Variants in CSMD2 observed in about 807,000 individuals in gnomAD.
CSMD2 encodes CUB and Sushi multiple domains 2.
Under a neutral mutation model 398.5 loss-of-function variants are expected in CSMD2, and 130 were observed. The observed-to-expected ratio is 0.33, with a 90% CI of 0.28 to 0.38. The LOEUF (loss-of-function observed/expected upper bound fraction) is 0.38, where lower values mean the gene tolerates loss of function less well. Ranked by LOEUF, CSMD2 falls within the 10% of genes least tolerant of loss-of-function variation. CSMD2 has a pLI of 1.00. For synonymous variants in CSMD2, 1,828 were observed against 1,908.5 expected (o/e 0.96, Z 1.10); for missense variants, 3,829 against 4,764.9 (o/e 0.80, Z 5.78).
intron 3 of CSMD2, among the ~76,000 whole-genome samples, chr1:33,999,310 C>T (rs1184946595): frequency 6.6e-6 from 1 of 152,160 alleles, no homozygotes; most frequent in Non-Finnish European, 1.5e-5. Flanking sequence ...CTGTGGCAGG[C>T]TGGACAGCTT....
chr1:34,098,127 A>G (rs1479526466), intron 1 of CSMD2, among the ~76,000 whole-genome samples: 3 of 116,784 alleles, frequency 2.6e-5, no homozygotes, highest in South Asian at 6.8e-4. Context: ...CATGGATGAA[A>G]TTGGAAATCA....
intron 24 of CSMD2, among the ~76,000 whole-genome samples, chr1:33,695,923 G>C (rs1233224539): frequency 6.6e-6 from 1 of 152,154 alleles, no homozygotes; most frequent in African/African-American, 2.4e-5. Context: ...CCTCCTTTGT[G>C]TCTGCATTAC....
intron 53 of CSMD2, among the ~76,000 whole-genome samples, chr1:33,561,249 A>C (rs1658515291): frequency 6.6e-6 from 1 of 152,152 alleles, no homozygotes; most frequent in South Asian, 2.1e-4. Context: ...GGGAGCCAGG[A>C]AGAGCAGGGG....
At chr1:33,705,756 A>G (rs976795981) in intron 22 of CSMD2, among the ~76,000 whole-genome samples, 16 of 150,840 alleles carry the variant, frequency 1.1e-4, no homozygotes, top group Non-Finnish European at 1.9e-4. Context: ...CTCTTTTTTG[A>G]AAAAGGGTCT....
At chr1:34,137,786 T>C (rs1435948705) in intron 1 of CSMD2, among the ~76,000 whole-genome samples, 1 of 152,242 alleles carries the variant, frequency 6.6e-6, no homozygotes, top group Non-Finnish European at 1.5e-5. Flanking sequence ...AAGTGCTTTC[T>C]ATTTGACACC....
At chr1:33,621,746 C>T (rs150606197) in intron 37 of CSMD2, among the ~76,000 whole-genome samples, 161 of 152,230 alleles carry the variant, frequency 1.1e-3, no homozygotes, top group African/African-American at 3.8e-3. Flanking sequence ...GGGTTTGAGC[C>T]TGCAGTGAGA....
rs777982115 is a variant in CSMD2 at position 33,907,378 on chromosome 1, C to T, written c.920+10716G>A. ...TCCTGACCTCGTGATCCGCCCACCT[C>T]GGCCTCCCAAGGTGCTGGGATTACA... On this transcript the variant is annotated intron_variant, in intron 5 of 70. Transcript: ENST00000373381. Among the ~76,000 whole-genome samples the T allele has an allele frequency of 6.5e-4, 98 of 151,866 alleles. 2 individuals carry two copies. Among genetic ancestry groups the T allele is most frequent in the Non-Finnish European group, 7.1e-4 (48 of 67,982 alleles).
intron 2 of CSMD2, among the ~76,000 whole-genome samples, chr1:34,050,919 T>C (rs1653101442): frequency 6.6e-6 from 1 of 152,146 alleles, no homozygotes; most frequent in Non-Finnish European, 1.5e-5. Context: ...GCATATGCTA[T>C]GCTAGCCCAG....
intron 28 of CSMD2, 110 bp downstream of exon 28, chr1:33,652,212 TG>T: frequency 8.8e-7 from 1 of 1,136,328 alleles, no homozygotes; most frequent in Non-Finnish European, 1.3e-6. Flanking sequence ...TTCACCTCCC[TG>T]GAGCTGAGAA....
At chr1:33,680,763 C>T (rs955866491) in intron 25 of CSMD2, among the ~76,000 whole-genome samples, 1 of 152,086 alleles carries the variant, frequency 6.6e-6, no homozygotes, top group African/African-American at 2.4e-5. Flanking sequence ...ACCCAGGACC[C>T]TGTTCCCCAC....
At chr1:33,645,613 C>T (rs1242121152) in intron 29 of CSMD2, among the ~76,000 whole-genome samples, 1 of 152,064 alleles carries the variant, frequency 6.6e-6, no homozygotes, top group Non-Finnish European at 1.5e-5. Context: ...GTGGAGTGCT[C>T]GAGAGCCTGG....
At chr1:34,142,862 T>C (rs940002694) in intron 1 of CSMD2, among the ~76,000 whole-genome samples, 1 of 152,190 alleles carries the variant, frequency 6.6e-6, no homozygotes, top group Non-Finnish European at 1.5e-5. Context: ...ACTCCATACA[T>C]GAAGATGATA....
At chr1:33,993,190 C>T (rs1014963974) in intron 3 of CSMD2, among the ~76,000 whole-genome samples, 5 of 152,190 alleles carry the variant, frequency 3.3e-5, no homozygotes, top group Non-Finnish European at 7.3e-5. Flanking sequence ...ACGCATCAAT[C>T]CATGAACCCT....
intron 49 of CSMD2, among the ~76,000 whole-genome samples, chr1:33,574,536 G>A (rs563562852): frequency 1.2e-4 from 19 of 152,258 alleles, no homozygotes; most frequent in African/African-American, 4.1e-4. Flanking sequence ...GAACTTTTTC[G>A]CTTAGAGCCA....
intron 6 of CSMD2, chr1:33,838,745 A>T (rs1660562000): frequency 6.6e-6 from 1 of 152,360 alleles, no homozygotes; most frequent in Non-Finnish European, 1.5e-5. Flanking sequence ...AAGTAACAGA[A>T]GATGATGTGT....
intron 26 of CSMD2, among the ~76,000 whole-genome samples, chr1:33,659,217 A>G (rs969355435): frequency 1.3e-5 from 2 of 152,252 alleles, no homozygotes; most frequent in African/African-American, 4.8e-5. Flanking sequence ...AATGAATGCT[A>G]GATGGAAGGA....
At chr1:33,857,965 G>A (rs1050228215) in intron 5 of CSMD2, among the ~76,000 whole-genome samples, 3 of 152,302 alleles carry the variant, frequency 2.0e-5, no homozygotes, top group Admixed American at 2.0e-4. Flanking sequence ...CCCAGAGTTG[G>A]TCTTGTTCTA....
chr1:34,027,841 TGGGCAGACAGCCC>T, intron 3 of CSMD2, among the ~76,000 whole-genome samples: 1 of 3,030 alleles, frequency 3.3e-4, no homozygotes, highest in Non-Finnish European at 8.1e-3. Flanking sequence ...AGGCTAGACC[TGGGCAGACAGCCC>T]TACATGGGCA....
intron 52 of CSMD2, among the ~76,000 whole-genome samples, chr1:33,568,976 T>C (rs1417695957): frequency 6.6e-6 from 1 of 152,226 alleles, no homozygotes; most frequent in Non-Finnish European, 1.5e-5. Context: ...TATATATGTA[T>C]AGATCTATAT....
Sources: allele counts gnomAD v4.1 joint callset (sites outside exome capture counted in the v4.1 genomes callset), GRCh38; gene constraint gnomAD v4.1.1; transcripts MANE v1.5; gene names NCBI Gene and HGNC (gene_info 2026-07-23, HGNC 2026-07-21).